Variants in GRIN2A observed in about 807,000 individuals in gnomAD.
GRIN2A encodes the protein glutamate ionotropic receptor NMDA type subunit 2A, also known as glutamate receptor ionotropic, NMDA 2A.
A neutral mutation model predicts 113.4 loss-of-function variants in GRIN2A; 22 were observed. The ratio of observed to expected loss-of-function variants is 0.19; its 90% confidence interval spans 0.14 to 0.28. The LOEUF (loss-of-function observed/expected upper bound fraction) is 0.28. Among genes scored for constraint, GRIN2A ranks in the 10% least tolerant of loss-of-function variants. The pLI, the probability that GRIN2A is intolerant of heterozygous loss-of-function variation, is 1.00. For synonymous variants in GRIN2A, 827 were observed against 738.4 expected (o/e 1.12, Z -1.94); for missense variants, 1,502 against 1,887.0 (o/e 0.80, Z 3.78).
At chr16:10,091,433 C>A (rs1379421799) in intron 2 of GRIN2A, among the ~76,000 whole-genome samples, 2 of 149,790 alleles carry the variant, frequency 1.3e-5, no homozygotes, top group African/African-American at 4.9e-5. Context: ...CCATCTCTAC[C>A]AAATACGTAT....
chr16:9,780,523 T>A (rs1205578380), intron 11 of GRIN2A, among the ~76,000 whole-genome samples: 1 of 152,230 alleles, frequency 6.6e-6, no homozygotes, highest in Non-Finnish European at 1.5e-5. Flanking sequence ...AACCACCCCA[T>A]GGTCATGGAG....
chr16:10,089,222 T>C (rs958102622), intron 2 of GRIN2A, among the ~76,000 whole-genome samples: 12 of 152,322 alleles, frequency 7.9e-5, no homozygotes, highest in Admixed American at 7.2e-4. Context: ...TTCCTGCCCC[T>C]ACGAAGCTGA....
chr16:9,973,058 A>G (rs2045705844), intron 2 of GRIN2A, among the ~76,000 whole-genome samples: 2 of 152,194 alleles, frequency 1.3e-5, no homozygotes, highest in Non-Finnish European at 2.9e-5. Context: ...ACAAGGCCAG[A>G]TGAGCCAGTT....
At chr16:9,901,981 A>G (rs9923833) in intron 3 of GRIN2A, among the ~76,000 whole-genome samples, 4,194 of 152,184 alleles carry the variant, frequency 0.028, 196 homozygotes, top group African/African-American at 0.096. Flanking sequence ...GATACTTTCC[A>G]TATGTTACCT....
Position 9,937,943 on chromosome 16 carries a change from A to G in GRIN2A, c.1007+16T>C, listed in dbSNP as rs1258544668. 6.3e-7 allele frequency: 1 copy of G among 1,583,976 alleles called. No homozygotes were observed. The highest frequency in any genetic ancestry group is 8.7e-7 in the Non-Finnish European group (1 of 1,152,946). ...AACTCTGATCCCACTTTGGGAGACAACAAGCCCTTTCTTACGGGTGCAAGG... is the reference window on the plus strand; with the variant it reads ...AACTCTGATCCCACTTTGGGAGACAGCAAGCCCTTTCTTACGGGTGCAAGG... On this transcript the variant is annotated intron_variant, in intron 3 of 12. Transcript: ENST00000330684.
At chr16:10,029,504 A>T (rs552114055) in intron 2 of GRIN2A, among the ~76,000 whole-genome samples, 2 of 152,220 alleles carry the variant, frequency 1.3e-5, no homozygotes, top group Non-Finnish European at 2.9e-5. Context: ...GACTCAAAAG[A>T]AAAACAGTAT....
intron 2 of GRIN2A, among the ~76,000 whole-genome samples, chr16:10,023,462 A>AT (rs2046762050): frequency 6.6e-6 from 1 of 152,194 alleles, no homozygotes; most frequent in African/African-American, 2.4e-5. Context: ...TTAAGATTTG[A>AT]TTAGTAACCT....
chr16:9,791,189 A>C (rs1902584755), intron 11 of GRIN2A, among the ~76,000 whole-genome samples: 1 of 152,144 alleles, frequency 6.6e-6, no homozygotes, highest in Admixed American at 6.5e-5. Flanking sequence ...AAGGGAGTTC[A>C]CAGGCAGGGT....
chr16:9,982,262 C>A (rs1171989025), intron 2 of GRIN2A, among the ~76,000 whole-genome samples: 2 of 152,146 alleles, frequency 1.3e-5, no homozygotes, highest in African/African-American at 2.4e-5. Flanking sequence ...GAGGTAGATG[C>A]AGATCTCACT....
chr16:9,770,490 C>G (rs774195413), intron 11 of GRIN2A, among the ~76,000 whole-genome samples: 2 of 152,006 alleles, frequency 1.3e-5, no homozygotes, highest in Non-Finnish European at 2.9e-5. Context: ...TTTCCTTGAC[C>G]TTTTGGAGAT....
chr16:10,086,596 G>T (rs1350598078), intron 2 of GRIN2A, among the ~76,000 whole-genome samples: 1 of 133,528 alleles, frequency 7.5e-6, no homozygotes, highest in African/African-American at 2.8e-5. Flanking sequence ...CCAGGGGGTG[G>T]AGCAGCTCCA....
intron 2 of GRIN2A, among the ~76,000 whole-genome samples, chr16:10,120,369 A>G (rs1254506529): frequency 6.6e-6 from 1 of 152,190 alleles, no homozygotes; most frequent in Non-Finnish European, 1.5e-5. Flanking sequence ...AAATGTCCAT[A>G]GTGCCAAGGT....
intron 4 of GRIN2A, among the ~76,000 whole-genome samples, chr16:9,874,224 G>A (rs769012202): frequency 6.6e-6 from 1 of 152,130 alleles, no homozygotes; most frequent in Non-Finnish European, 1.5e-5. Context: ...ATATGATTTC[G>A]ATGAGTTTTA....
chr16:10,156,912 C>T (rs1170939446), intron 2 of GRIN2A, among the ~76,000 whole-genome samples: 3 of 152,074 alleles, frequency 2.0e-5, no homozygotes, highest in Admixed American at 6.5e-5. Context: ...ACTATGGGCA[C>T]GTGAAAGAAA....
At chr16:9,849,511 ATC>A (rs1425877917) in intron 5 of GRIN2A, among the ~76,000 whole-genome samples, 1 of 152,030 alleles carries the variant, frequency 6.6e-6, no homozygotes, top group African/African-American at 2.4e-5. Flanking sequence ...ACTCGGTTTT[ATC>A]ATATTTACAA....
At chr16:10,043,414 A>C (rs1270815309) in intron 2 of GRIN2A, among the ~76,000 whole-genome samples, 1 of 152,238 alleles carries the variant, frequency 6.6e-6, no homozygotes, top group African/African-American at 2.4e-5. Flanking sequence ...ATCAGCAGCA[A>C]GCCCAAACTT....
chr16:10,036,310 T>C (rs1434825298), intron 2 of GRIN2A, among the ~76,000 whole-genome samples: 1 of 152,126 alleles, frequency 6.6e-6, no homozygotes, highest in Admixed American at 6.5e-5. Context: ...AAGGTGTCGG[T>C]GGTTCCCTCT....
At chr16:9,824,152 G>T (rs988504276) in intron 9 of GRIN2A, among the ~76,000 whole-genome samples, 11 of 152,224 alleles carry the variant, frequency 7.2e-5, no homozygotes, top group African/African-American at 2.7e-4. Flanking sequence ...GTCATAACTG[G>T]ATTTGGGAGA....
chr16:10,099,481 A>T (rs200533234), intron 2 of GRIN2A, among the ~76,000 whole-genome samples: 6 of 151,744 alleles, frequency 4.0e-5, no homozygotes, highest in Non-Finnish European at 8.8e-5. Flanking sequence ...CCTCCCTTGC[A>T]CCCCCTTCCT....
Sources: gnomAD v4.1 joint callset for allele counts (sites outside exome capture counted in the v4.1 genomes callset) on GRCh38, gnomAD v4.1.1 for gene constraint, MANE v1.5 for transcripts, NCBI Gene and HGNC (gene_info 2026-07-23, HGNC 2026-07-21) for gene names.